SORT1: variants seen among roughly 807,000 people sequenced by gnomAD.
The protein encoded by SORT1 is sortilin 1, also known as sortilin.
A neutral mutation model predicts 101.7 loss-of-function variants in SORT1; 39 were observed. The ratio of observed to expected loss-of-function variants is 0.38; its 90% CI spans 0.30 to 0.50. The LOEUF (loss-of-function observed/expected upper bound fraction) is 0.50, where lower values mean the gene tolerates loss of function less well. SORT1 is among the 20% of genes least tolerant of loss of function. The pLI is 0.90. For missense variants in SORT1, 878 were observed against 1,040.4 expected (o/e 0.84, Z 2.15); for synonymous variants, 396 against 393.7 (o/e 1.01, Z -0.07).
intron 8 of SORT1, among the ~76,000 whole-genome samples, chr1:109,343,241 T>C (rs1175817211): frequency 6.6e-6 from 1 of 152,222 alleles, no homozygotes; most frequent in Non-Finnish European, 1.5e-5. Context: ...GTTATCTGTA[T>C]TTACTGCCTA....
At chr1:109,373,595 T>C (rs1280328084) in intron 1 of SORT1, among the ~76,000 whole-genome samples, 1 of 152,112 alleles carries the variant, frequency 6.6e-6, no homozygotes, top group East Asian at 1.9e-4. Context: ...TCAGAAACAT[T>C]TACCTCTGTG....
Position 109,314,776 on chromosome 1 carries a change from A to T in SORT1, c.2253T>A (p.Asn751Lys). ...TAATTGGAACAGAATTTGACTTGGA[A>T]TTCTTGAGAAATTAAAACACAAACA... ...TSNFLSPEKQ[N>K]SKSNSVPIIL... Residue 751 changes from asparagine to lysine, a missense_variant and splice_region_variant, in exon 18 of 20, where the codon AAT becomes AAA. This residue lies in a region of SORT1 where 684 missense variants were observed against 894.5 expected (regional missense o/e 0.76). Transcript: ENST00000256637. 6.3e-7 allele frequency: 1 copy of T among 1,587,228 alleles called. No homozygotes were observed. The highest frequency in any genetic ancestry group is 8.7e-7 in the Non-Finnish European group (1 of 1,155,696).
intron 1 of SORT1, among the ~76,000 whole-genome samples, chr1:109,390,796 TGTGC>T (rs1271874177): frequency 0.021 from 3,029 of 144,836 alleles, 38 homozygotes; most frequent in African/African-American, 0.039. Context: ...TGTGTGTGTG[TGTGC>T]GCGCGCGCGT....
chr1:109,375,889 A>G (rs957259352), intron 1 of SORT1, among the ~76,000 whole-genome samples: 1 of 152,186 alleles, frequency 6.6e-6, no homozygotes, highest in Admixed American at 6.5e-5. Flanking sequence ...CAGGTTTCAC[A>G]ATGAGATACC....
chr1:109,314,179 T>G, intron 19 of SORT1, 82 bp downstream of exon 19: 13 of 1,554,642 alleles, frequency 8.4e-6, no homozygotes, highest in Non-Finnish European at 1.1e-5. Flanking sequence ...TGGCATATCT[T>G]GATCATGAAT....
chr1:109,370,969 A>C (rs1651451004), intron 1 of SORT1, among the ~76,000 whole-genome samples: 2 of 152,188 alleles, frequency 1.3e-5, no homozygotes, highest in South Asian at 4.1e-4. Context: ...CAAAACATGA[A>C]CTGTTTTGTT....
At chr1:109,393,594 G>A (rs1165077976) in intron 1 of SORT1, among the ~76,000 whole-genome samples, 2 of 152,162 alleles carry the variant, frequency 1.3e-5, no homozygotes, top group African/African-American at 2.4e-5. Context: ...GGTTATACAT[G>A]TCATGAATAC....
chr1:109,340,676 C>T (rs370694304), intron 10 of SORT1, 48 bp downstream of exon 10: 1 of 1,602,024 alleles, frequency 6.2e-7, no homozygotes, highest in African/African-American at 1.3e-5. Flanking sequence ...TCAAATCCTA[C>T]CACATGCAGC....
At chr1:109,314,199 A>G in intron 19 of SORT1, 62 bp downstream of exon 19, 1 of 1,372,530 alleles carries the variant, frequency 7.3e-7, no homozygotes, top group Non-Finnish European at 9.9e-7. Context: ...TAGAAGACAG[A>G]CTTTATTTTC....
intron 11 of SORT1, among the ~76,000 whole-genome samples, chr1:109,328,633 A>C (rs1278243930): frequency 6.6e-6 from 1 of 152,198 alleles, no homozygotes; most frequent in East Asian, 1.9e-4. Flanking sequence ...ATGTACTACA[A>C]TATCTGGAAG....
intron 6 of SORT1, among the ~76,000 whole-genome samples, chr1:109,350,458 A>G (rs967610818): frequency 2.0e-5 from 3 of 152,220 alleles, no homozygotes; most frequent in Non-Finnish European, 4.4e-5. Flanking sequence ...CTCTCCGAGA[A>G]AAGTGAATGA....
chr1:109,313,873 A>AC lies in SORT1; in HGVS notation c.*169dup. ...TGTAAAAAAGTGCTCAGGGTTCCCC[A>AC]CCCCCACCCTGCATTTCTTTAGTGT... On this transcript the variant is annotated 3_prime_UTR_variant, in exon 20 of 20. Coordinates refer to ENST00000256637, the MANE Select transcript of SORT1 (RefSeq NM_002959.7). The AC allele has an allele frequency of 3.0e-6, 1 of 334,710 alleles. No individual in the cohort carries two copies. Among genetic ancestry groups the AC allele is most frequent in the Non-Finnish European group, 5.5e-6 (1 of 182,520 alleles). 20.7% of individuals were successfully genotyped at this position (334,710 alleles called of 1,614,324 possible).
At chr1:109,348,708 G>C (rs1424651717) in intron 6 of SORT1, among the ~76,000 whole-genome samples, 1 of 152,106 alleles carries the variant, frequency 6.6e-6, no homozygotes, top group Non-Finnish European at 1.5e-5. Flanking sequence ...GCCCAGGCTG[G>C]TCTTGAATTC....
rs760264563 is a variant in SORT1 at position 109,354,551 on chromosome 1, T to A, written c.544-20A>T. 2 of 1,601,228 alleles carry A rather than the reference T, an allele frequency of 1.2e-6. No individual in the cohort carries two copies. Among genetic ancestry groups the A allele is most frequent in the Non-Finnish European group, 1.7e-6 (2 of 1,169,990 alleles). ...CACCACCTGATAGGAAGAGGAAAGA[T>A]CTGATTCAGGGTATGATACTATCTA... On this transcript the variant is annotated intron_variant, in intron 4 of 19. Coordinates refer to ENST00000256637, the MANE Select transcript of SORT1 (RefSeq NM_002959.7).
At chr1:109,383,397 T>C (rs1375411461) in intron 1 of SORT1, among the ~76,000 whole-genome samples, 1 of 152,222 alleles carries the variant, frequency 6.6e-6, no homozygotes, top group African/African-American at 2.4e-5. Context: ...TCAACAGGCA[T>C]CTTATGTACA....
intron 1 of SORT1, among the ~76,000 whole-genome samples, chr1:109,396,424 A>G (rs1427001825): frequency 6.6e-6 from 1 of 152,186 alleles, no homozygotes; most frequent in Non-Finnish European, 1.5e-5. Context: ...AAGACTTCCC[A>G]GTACTCATTC....
At chr1:109,394,771 G>T (rs1653100303) in intron 1 of SORT1, among the ~76,000 whole-genome samples, 1 of 152,110 alleles carries the variant, frequency 6.6e-6, no homozygotes, top group Non-Finnish European at 1.5e-5. Context: ...AATTAATGTG[G>T]CTTGAAATGA....
At chr1:109,353,938 C>A (rs1303489920) in intron 5 of SORT1, among the ~76,000 whole-genome samples, 1 of 151,478 alleles carries the variant, frequency 6.6e-6, no homozygotes, top group African/African-American at 2.4e-5. Context: ...ACATGAGGGT[C>A]AAAGACAGAA....
intron 8 of SORT1, among the ~76,000 whole-genome samples, chr1:109,344,957 A>G (rs1164401037): frequency 1.3e-5 from 2 of 151,928 alleles, no homozygotes; most frequent in African/African-American, 4.8e-5. Context: ...TCAGCCTCCC[A>G]AAGTCCTGAG....
Sources: gnomAD v4.1 joint callset for allele counts (sites outside exome capture counted in the v4.1 genomes callset) on GRCh38, gnomAD v4.1.1 for gene constraint, gnomAD v4.1.1 regional missense constraint, MANE v1.5 for transcripts, NCBI Gene and HGNC (gene_info 2026-07-23, HGNC 2026-07-21) for gene names.